The following WWP2 variants were observed in gnomAD, a reference collection of about 807,000 sequenced individuals.
WWP2 encodes NEDD4-like E3 ubiquitin-protein ligase WWP2.
Under a neutral mutation model 121.0 loss-of-function variants are expected in WWP2, and 57 were observed. The ratio of observed to expected loss-of-function variants is 0.47; its 90% CI spans 0.38 to 0.59. WWP2 has a LOEUF of 0.59. Ranked by LOEUF, WWP2 falls within the 20% of genes least tolerant of loss-of-function variation. The pLI is 0.00. For missense variants in WWP2, 962 were observed against 1,158.9 expected, an observed-to-expected ratio of 0.83 and a Z score of 2.47; for synonymous variants, 449 against 441.3, an observed-to-expected ratio of 1.02 and a Z score of -0.22.
chr16:69,829,276 T>G (rs1406935898), intron 4 of WWP2, among the ~76,000 whole-genome samples: 1 of 152,212 alleles, frequency 6.6e-6, no homozygotes, highest in Non-Finnish European at 1.5e-5. Context: ...TCCTCCGGCT[T>G]GTTTTCCACA....
At chr16:69,770,858 C>G (rs887401857) in intron 1 of WWP2, among the ~76,000 whole-genome samples, 1 of 151,110 alleles carries the variant, frequency 6.6e-6, no homozygotes, top group African/African-American at 2.4e-5. Context: ...TGGGGCTGGG[C>G]GTGGTGGCTC....
chr16:69,930,051 A>C (rs2058690520), intron 12 of WWP2, 79 bp from the exon 13 acceptor site: 1 of 1,599,028 alleles, frequency 6.3e-7, no homozygotes, highest in East Asian at 2.2e-5. Flanking sequence ...ACAAAGCCAC[A>C]CTTTGAGGAC....
chr16:69,842,774 A>G (rs139335579), intron 6 of WWP2, among the ~76,000 whole-genome samples: 16 of 152,192 alleles, frequency 1.1e-4, no homozygotes, highest in African/African-American at 3.6e-4. Flanking sequence ...GGCTCAAGCA[A>G]TCCACCCACC....
Position 69,908,762 on chromosome 16 carries a change from T to G in WWP2, c.916T>G (p.Trp306Gly). The change falls in exon 9 of 24, where the codon TGG (tryptophan) becomes GGG (glycine). Residue 306 changes from tryptophan to glycine, a missense_variant and splice_region_variant. Coordinates refer to ENST00000359154, the MANE Select transcript of WWP2 (RefSeq NM_001270454.2). ...GCTACCCTTGACTTTATTTTTCAGA[T>G]GGGAACAGCGAGAGCTGCCCAACGG... is the stretch of plus-strand genomic sequence containing the variant. ...AQAPDALPAG[W>G]EQRELPNGRV... 6.2e-7 allele frequency: 1 copy of G among 1,614,138 alleles called. No homozygotes were observed. Among genetic ancestry groups the G allele is most frequent in the Non-Finnish European group, 8.5e-7 (1 of 1,179,980 alleles).
chr16:69,849,465 T>C (rs900392253), intron 6 of WWP2, among the ~76,000 whole-genome samples: 1 of 119,832 alleles, frequency 8.3e-6, no homozygotes, highest in African/African-American at 5.1e-5. Flanking sequence ...GGAATAAGTG[T>C]TATTTATTTA....
rs769507581 is a variant in WWP2 at position 69,929,469 on chromosome 16, G to A, written c.1256G>A (p.Arg419Gln). 1.6e-5 allele frequency: 26 copies of A among 1,614,070 alleles called. No homozygotes were observed. The highest frequency in any genetic ancestry group is 2.1e-5 in the Non-Finnish European group (25 of 1,179,968). ...PGWEKRQDNG[R>Q]VYYVNHNTRT... Reference sequence around the variant, plus strand: ...GCAGAGAAGAGACAGGACAATGGACGGGTGTATTACGTGAACCATAACACT... The same window carrying A: ...GCAGAGAAGAGACAGGACAATGGACAGGTGTATTACGTGAACCATAACACT... Residue 419 changes from arginine (R) to glutamine (Q), a missense_variant, in exon 12 of 24, where the codon CGG becomes CAG. Physicochemically the swap from Arg to Gln is conservative, Grantham distance 43 (BLOSUM62 1). Transcript: ENST00000359154.
chr16:69,925,261 A>C lies in WWP2; in HGVS notation c.1180-169A>C. 7.0e-7 allele frequency: 1 copy of C among 1,438,008 alleles called. No individual in the cohort carries two copies. The highest frequency in any genetic ancestry group is 1.7e-5 in the South Asian group (1 of 59,348). The allele number at this position is 1,438,008 out of a possible 1,614,324, so 89.1% of individuals were successfully genotyped here. ...TTTTCTGTAAAAATCAAAACAAAAAACAGAGACTTTTGAGAGGAGCAGATG... is the reference window on the plus strand; with the variant it reads ...TTTTCTGTAAAAATCAAAACAAAAACCAGAGACTTTTGAGAGGAGCAGATG... On this transcript the variant is annotated intron_variant, in intron 10 of 23. Coordinates refer to ENST00000359154, the MANE Select transcript of WWP2 (RefSeq NM_001270454.2). The surrounding 1 kb of genome is among the most constrained non-coding windows in gnomAD (Gnocchi z 4.0).
chr16:69,841,551 G>C (rs1047386115), intron 5 of WWP2, among the ~76,000 whole-genome samples: 18 of 152,160 alleles, frequency 1.2e-4, no homozygotes, highest in Non-Finnish European at 2.4e-4. Flanking sequence ...ACATTTGGTA[G>C]GGATTTTGGA....
intron 9 of WWP2, chr16:69,909,801 A>G: frequency 1.4e-6 from 1 of 715,870 alleles, no homozygotes; most frequent in Non-Finnish European, 1.7e-6. Flanking sequence ...ATAGATATAG[A>G]GAGAATAATG....
chr16:69,836,529 A>G (rs960273078), intron 4 of WWP2, among the ~76,000 whole-genome samples: 2 of 152,206 alleles, frequency 1.3e-5, no homozygotes, highest in Admixed American at 1.3e-4. Flanking sequence ...TCTCAAATAG[A>G]ACAGAGGAGG....
At chr16:69,905,733 A>G (rs921560521) in intron 8 of WWP2, among the ~76,000 whole-genome samples, 17 of 152,238 alleles carry the variant, frequency 1.1e-4, no homozygotes, top group African/African-American at 3.9e-4. Context: ...TGAGATCAGG[A>G]TTGGGAAGCC....
intron 1 of WWP2, among the ~76,000 whole-genome samples, chr16:69,763,383 T>C (rs2038660051): frequency 6.6e-6 from 1 of 152,368 alleles, no homozygotes; most frequent in South Asian, 2.1e-4. Context: ...TTAAAGCCTG[T>C]TCATCTTCCT....
rs2058721227 is a variant in WWP2, at chr16:69,931,906, C to T, written c.1682+16C>T. On this transcript the variant is annotated intron_variant, in intron 16 of 23. Transcript: ENST00000359154. ...GCATCGCCAGGTGAGCTTGAGTGCCCCGGAAGGCTGCCCTGTACCCCGCTT... is the reference window on the plus strand; with the variant it reads ...GCATCGCCAGGTGAGCTTGAGTGCCTCGGAAGGCTGCCCTGTACCCCGCTT... 1.2e-6 allele frequency: 2 copies of T among 1,608,994 alleles called. No individual in the cohort carries two copies. Among genetic ancestry groups the T allele is most frequent in the East Asian group, 4.5e-5 (2 of 44,858 alleles).
intron 6 of WWP2, among the ~76,000 whole-genome samples, chr16:69,848,230 C>T (rs2057123395): frequency 6.6e-6 from 1 of 151,652 alleles, no homozygotes; most frequent in African/African-American, 2.4e-5. Context: ...GTGAGTGGAT[C>T]ACCTGAGGTC....
rs914429229 is a variant in WWP2 at position 69,794,212 on chromosome 16, C to G, written c.71-4470C>G. Among the ~76,000 whole-genome samples, 13 of 152,170 alleles carry G rather than the reference C, an allele frequency of 8.5e-5. No homozygotes were observed. In the East Asian group the frequency reaches 1.6e-3, roughly 18 times the overall value. On this transcript the variant is annotated intron_variant, in intron 2 of 23. Transcript: ENST00000359154. ...GGATTACAGGCATAAGCCACCATGC[C>G]CAGCTATCCTTGCTTTAAGATTAAA...
intron 4 of WWP2, chr16:69,828,014 T>A: frequency 2.4e-6 from 1 of 423,928 alleles, no homozygotes; most frequent in Non-Finnish European, 4.7e-6. Context: ...TGGGGTACCT[T>A]GTTACGTGGG....
intron 4 of WWP2, among the ~76,000 whole-genome samples, chr16:69,803,903 G>A (rs868637206): frequency 8.6e-5 from 13 of 151,954 alleles, no homozygotes; most frequent in African/African-American, 3.1e-4. Flanking sequence ...GCAAGACTCC[G>A]TCTCAAAAAA....
At chr16:69,853,063 G>A (rs193225964) in intron 6 of WWP2, among the ~76,000 whole-genome samples, 45 of 152,262 alleles carry the variant, frequency 3.0e-4, no homozygotes, top group South Asian at 6.2e-4. Flanking sequence ...TTGGAGACAG[G>A]GAACCAGTGG....
At chr16:69,779,098 C>A (rs918589479) in intron 1 of WWP2, among the ~76,000 whole-genome samples, 2 of 151,766 alleles carry the variant, frequency 1.3e-5, no homozygotes, top group African/African-American at 4.8e-5. Context: ...TACAGGTGCC[C>A]GCCACCACAC....
Sources: gnomAD v4.1 joint callset for allele counts (sites outside exome capture counted in the v4.1 genomes callset) on GRCh38, gnomAD v4.1.1 for gene constraint, Gnocchi (gnomAD v3.1) non-coding constraint, MANE v1.5 for transcripts, NCBI Gene and HGNC (gene_info 2026-07-23, HGNC 2026-07-21) for gene names.